KCNIP1: variants seen among roughly 807,000 people sequenced by gnomAD.
The protein encoded by KCNIP1 is potassium voltage-gated channel interacting protein 1.
Under a neutral mutation model 33.0 loss-of-function variants are expected in KCNIP1, and 18 were observed. The observed-to-expected ratio is 0.55, with a 90% CI of 0.38 to 0.81. KCNIP1 has a LOEUF of 0.81. KCNIP1 is among the 30% of genes least tolerant of loss of function. KCNIP1 has a pLI of 0.00. For synonymous variants in KCNIP1, 93 were observed against 98.3 expected (o/e 0.95, Z 0.32); for missense variants, 238 against 271.6 (o/e 0.88, Z 0.87).
At chr5:170,506,068 C>T (rs1754705060) in intron 1 of KCNIP1, among the ~76,000 whole-genome samples, 1 of 152,168 alleles carries the variant, frequency 6.6e-6, no homozygotes, top group African/African-American at 2.4e-5. Flanking sequence ...GGTCTTCTCC[C>T]TCATCATCTG....
intron 1 of KCNIP1, among the ~76,000 whole-genome samples, chr5:170,621,439 A>T (rs1005791797): frequency 6.6e-6 from 1 of 152,018 alleles, no homozygotes; most frequent in African/African-American, 2.4e-5. Flanking sequence ...TGTGGGGGAG[A>T]TCTGTGAGCA....
intron 1 of KCNIP1, among the ~76,000 whole-genome samples, chr5:170,438,660 G>C (rs146888430): frequency 6.6e-6 from 1 of 152,072 alleles, no homozygotes; most frequent in South Asian, 2.1e-4. Context: ...CTTGGGTGGG[G>C]GTGGGAGGGC....
chr5:170,657,377 CA>C (rs949395452), intron 1 of KCNIP1, among the ~76,000 whole-genome samples: 1 of 152,082 alleles, frequency 6.6e-6, no homozygotes, highest in African/African-American at 2.4e-5. Flanking sequence ...AGGAGGGGGC[CA>C]AGAGCTCTGA....
chr5:170,477,884 A>C (rs936009923), intron 1 of KCNIP1, among the ~76,000 whole-genome samples: 1 of 152,268 alleles, frequency 6.6e-6, no homozygotes, highest in African/African-American at 2.4e-5. Flanking sequence ...TCCTGTCCTC[A>C]GAGCCCACAT....
chr5:170,555,121 G>A (rs960872666), intron 1 of KCNIP1, among the ~76,000 whole-genome samples: 1 of 152,156 alleles, frequency 6.6e-6, no homozygotes, highest in African/African-American at 2.4e-5. Flanking sequence ...TCAGGCTCCT[G>A]GTTGCTCCAC....
Position 170,735,883 on chromosome 5 carries a change from C to T in KCNIP1, c.*77C>T. 2 of 1,271,376 alleles carry T rather than the reference C, an allele frequency of 1.6e-6. No homozygotes were observed. The highest frequency in any genetic ancestry group is 2.3e-6 in the Non-Finnish European group (2 of 873,590). 78.8% of individuals were successfully genotyped at this position (1,271,376 alleles called of 1,614,324 possible). On this transcript the variant is annotated 3_prime_UTR_variant, in exon 8 of 8. Coordinates refer to ENST00000328939, the MANE Select transcript of KCNIP1 (RefSeq NM_014592.4). Reference sequence around the variant, plus strand: ...CTTAACACCCTGATCTGCCCTTGTTCTGATTTTACACACCAACTCTTGGGA... The same window carrying T: ...CTTAACACCCTGATCTGCCCTTGTTTTGATTTTACACACCAACTCTTGGGA...
intron 1 of KCNIP1, among the ~76,000 whole-genome samples, chr5:170,452,354 G>T (rs550492586): frequency 5.3e-5 from 8 of 152,306 alleles, no homozygotes; most frequent in African/African-American, 1.7e-4. Flanking sequence ...ACCGGAAAGC[G>T]CCTAGTGTGC....
chr5:170,685,096 C>T (rs1473440313), intron 1 of KCNIP1, among the ~76,000 whole-genome samples: 1 of 152,080 alleles, frequency 6.6e-6, no homozygotes, highest in Non-Finnish European at 1.5e-5. Flanking sequence ...CTCTCCTTGC[C>T]CATAAGGACA....
chr5:170,536,864 G>C (rs576499564), intron 1 of KCNIP1, among the ~76,000 whole-genome samples: 1 of 152,218 alleles, frequency 6.6e-6, no homozygotes, highest in Non-Finnish European at 1.5e-5. Context: ...GGCAGGAAAG[G>C]AGGGAGGCAG....
rs905370285 is a variant in KCNIP1 at position 170,489,065 on chromosome 5, A to C, written c.88+135101A>C. On this transcript the variant is annotated intron_variant, in intron 1 of 7. Transcript: ENST00000377360. The surrounding 1 kb of genome is among the most constrained non-coding windows in gnomAD (Gnocchi z 4.3). ...GCAGAAGGAAGATTTCATTAGTGTT[A>C]GAGAGGAAGGATGTGCCTTCTCCCC... is the stretch of plus-strand genomic sequence containing the variant. 7.9e-5 allele frequency among the ~76,000 whole-genome samples: 12 copies of C among 151,362 alleles called. No individual in the cohort carries two copies. The highest frequency in any genetic ancestry group is 1.3e-4 in the Admixed American group (2 of 15,236).
chr5:170,552,836 G>A (rs912219161), intron 1 of KCNIP1, among the ~76,000 whole-genome samples: 10 of 152,240 alleles, frequency 6.6e-5, no homozygotes, highest in African/African-American at 1.4e-4. Flanking sequence ...AGGAGATAGC[G>A]TGGCCCAGAA....
chr5:170,551,422 C>T (rs568089813), intron 1 of KCNIP1, among the ~76,000 whole-genome samples: 16 of 152,350 alleles, frequency 1.1e-4, no homozygotes, highest in Non-Finnish European at 1.8e-4. Flanking sequence ...CTGTTGCAAA[C>T]GTGCAGGGTA....
chr5:170,666,156 G>A (rs1361053430), intron 1 of KCNIP1, among the ~76,000 whole-genome samples: 2 of 152,212 alleles, frequency 1.3e-5, no homozygotes, highest in African/African-American at 4.8e-5. Flanking sequence ...CTGCATAAGA[G>A]ATTTGTTTAT....
intron 1 of KCNIP1, among the ~76,000 whole-genome samples, chr5:170,666,589 A>G (rs1308673398): frequency 6.6e-6 from 1 of 152,250 alleles, no homozygotes; most frequent in Admixed American, 6.5e-5. Context: ...GAAAATAAGT[A>G]TCCCAAATAA....
chr5:170,426,765 T>C (rs1263270277), intron 1 of KCNIP1, among the ~76,000 whole-genome samples: 3 of 152,248 alleles, frequency 2.0e-5, no homozygotes, highest in Non-Finnish European at 2.9e-5. Context: ...AAAGAACTTC[T>C]GGGAAAGCAT....
intron 1 of KCNIP1, among the ~76,000 whole-genome samples, chr5:170,379,997 A>T (rs1764177172): frequency 6.6e-6 from 1 of 152,024 alleles, no homozygotes; most frequent in African/African-American, 2.4e-5. Context: ...AAAATTGAAA[A>T]CCTTTGCAGT....
At chr5:170,527,467 T>G (rs901377879) in intron 1 of KCNIP1, among the ~76,000 whole-genome samples, 2 of 151,988 alleles carry the variant, frequency 1.3e-5, no homozygotes, top group Non-Finnish European at 2.9e-5. Flanking sequence ...AAGGTCACTT[T>G]CCCTCTCAAA....
Position 170,504,206 on chromosome 5 carries a change from A to T in KCNIP1, c.-367A>T. The T allele has an allele frequency of 9.6e-7, 1 of 1,039,548 alleles. No homozygotes were observed. The allele number at this position is 1,039,548 out of a possible 1,614,324, so 64.4% of individuals were successfully genotyped here. Reference sequence around the variant, plus strand: ...GGGCGGACGGCGGCTCCCGCACCGCACGCGGCGCTGGCTCGGCAGCCTCGG... The same window carrying T: ...GGGCGGACGGCGGCTCCCGCACCGCTCGCGGCGCTGGCTCGGCAGCCTCGG... On this transcript the variant is annotated 5_prime_UTR_variant, in exon 1 of 8. Transcript: ENST00000328939. The surrounding 1 kb of genome is among the most constrained non-coding windows in gnomAD (Gnocchi z 6.0).
chr5:170,679,234 A>T (rs1252114842), intron 1 of KCNIP1: 1 of 152,212 alleles, frequency 6.6e-6, no homozygotes, highest in Non-Finnish European at 1.5e-5. Flanking sequence ...AAGCTGACAA[A>T]GGTTTAGCAA....
Sources: gnomAD v4.1 joint callset for allele counts (sites outside exome capture counted in the v4.1 genomes callset) on GRCh38, gnomAD v4.1.1 for gene constraint, Gnocchi (gnomAD v3.1) non-coding constraint, MANE v1.5 for transcripts, NCBI Gene and HGNC (gene_info 2026-07-23, HGNC 2026-07-21) for gene names.